Variants in REV3L observed in about 807,000 individuals in gnomAD.
The protein encoded by REV3L is DNA polymerase zeta catalytic subunit.
REV3L carries 69 observed loss-of-function variants against 299.4 expected under a neutral mutation model. The ratio of observed to expected loss-of-function variants is 0.23; its 90% CI spans 0.19 to 0.28. The LOEUF (loss-of-function observed/expected upper bound fraction) is 0.28, where lower values mean the gene tolerates loss of function less well. Ranked by LOEUF, REV3L falls within the 10% of genes least tolerant of loss-of-function variation. REV3L has a pLI of 1.00. For synonymous variants in REV3L, 1,238 were observed against 1,271.4 expected (o/e 0.97, Z 0.56); for missense variants, 3,128 against 3,693.8 (o/e 0.85, Z 3.97).
At chr6:111,476,479 C>A (rs1792957496) in intron 1 of REV3L, among the ~76,000 whole-genome samples, 2 of 152,106 alleles carry the variant, frequency 1.3e-5, no homozygotes, top group African/African-American at 4.8e-5. Context: ...TTGACTGCGA[C>A]CCATCATGAG....
At chr6:111,393,203 G>A (rs903109036) in intron 4 of REV3L, among the ~76,000 whole-genome samples, 4 of 152,006 alleles carry the variant, frequency 2.6e-5, no homozygotes, top group Admixed American at 6.6e-5. Flanking sequence ...TGTATTTTTA[G>A]TAGAGACTGG....
rs144497761 is a variant in REV3L, at chr6:111,338,312, CTTTTTTTTTTTTTT to C, written c.7539-2716_7539-2703del. ...TCTTTGTTTACTCCAGTCTAAAGTC[CTTTTTTTTTTTTTT>C]TTTTTTTTTTTTTTTTTTTTTTTTT... On this transcript the variant is annotated intron_variant, in intron 21 of 31. Coordinates refer to ENST00000368802, the MANE Select transcript of REV3L (RefSeq NM_001372078.1). 9.7e-3 allele frequency among the ~76,000 whole-genome samples: 464 copies of C among 47,818 alleles called. 4 individuals are homozygous for C. The highest frequency in any genetic ancestry group is 0.049 in the East Asian group (40 of 824). 31.4% of individuals were successfully genotyped at this position (47,818 alleles called of 152,430 possible).
At chr6:111,436,073 T>C (rs1236473487) in intron 1 of REV3L, among the ~76,000 whole-genome samples, 2 of 152,084 alleles carry the variant, frequency 1.3e-5, no homozygotes, top group Non-Finnish European at 2.9e-5. Context: ...TCACTAACCA[T>C]CAGAGAAATA....
chr6:111,299,961 GT>G lies in REV3L; in HGVS notation c.*54del. On this transcript the variant is annotated 3_prime_UTR_variant, in exon 32 of 32. Transcript: ENST00000368802. ...AAGTTAAAAAGCACCATGCACAACAGTTTAGTGGTAAGCACTGAAAAAAATA... is the reference window on the plus strand; with the variant it reads ...AAGTTAAAAAGCACCATGCACAACAGTTAGTGGTAAGCACTGAAAAAAATA... 1.3e-6 allele frequency: 2 copies of G among 1,547,138 alleles called. No individual in the cohort carries two copies. Among genetic ancestry groups the G allele is most frequent in the East Asian group, 2.3e-5 (1 of 43,950 alleles).
intron 25 of REV3L, among the ~76,000 whole-genome samples, chr6:111,324,095 G>A (rs952429617): frequency 1.3e-5 from 2 of 152,168 alleles, no homozygotes; most frequent in African/African-American, 4.8e-5. Context: ...TGCCTCCTGG[G>A]TTCAAGCAAT....
intron 3 of REV3L, among the ~76,000 whole-genome samples, chr6:111,406,162 G>T (rs1783600353): frequency 6.6e-6 from 1 of 152,130 alleles, no homozygotes; most frequent in Non-Finnish European, 1.5e-5. Flanking sequence ...TACAGAGGTG[G>T]TTTCTGCAAA....
chr6:111,443,874 T>C (rs1788550527), intron 1 of REV3L, among the ~76,000 whole-genome samples: 1 of 152,246 alleles, frequency 6.6e-6, no homozygotes, highest in Non-Finnish European at 1.5e-5. Flanking sequence ...TTTAGTCTGA[T>C]ACATGACTTT....
chr6:111,386,428 T>TA (rs1781353486), intron 9 of REV3L, among the ~76,000 whole-genome samples: 1 of 152,176 alleles, frequency 6.6e-6, no homozygotes, highest in East Asian at 1.9e-4. Flanking sequence ...ATGGCTACAT[T>TA]AAAAAAAGAC....
chr6:111,376,449 G>A lies in REV3L; in HGVS notation c.1906C>T (p.His636Tyr). 1 of 1,613,672 alleles carries A rather than the reference G, an allele frequency of 6.2e-7. No homozygotes were observed. Among genetic ancestry groups the A allele is most frequent in the Non-Finnish European group, 8.5e-7 (1 of 1,179,820 alleles). ...TTCTCTTTATGAGAATTTTCTGAAT[G>A]AACAGTACTGCTTAAAGATCCAGGG... is the stretch of plus-strand genomic sequence containing the variant. Reference protein sequence around the residue: ...KYPGSLSSTVHSENSHKENSK... With the variant: ...KYPGSLSSTVYSENSHKENSK... Residue 636 changes from histidine to tyrosine, a missense_variant, in exon 13 of 32, where the codon CAT becomes TAT. His to Tyr is a moderately conservative substitution (Grantham distance 83). Coordinates refer to ENST00000368802, the MANE Select transcript of REV3L (RefSeq NM_001372078.1).
intron 31 of REV3L, among the ~76,000 whole-genome samples, chr6:111,304,894 C>G (rs1195402850): frequency 3.3e-5 from 5 of 151,566 alleles, no homozygotes; most frequent in African/African-American, 1.2e-4. Context: ...GGATAATAGC[C>G]CCAGCTGCAT....
At position 111,372,874 on chromosome 6, in the gene REV3L, A is replaced by C. The variant is rs1397345606; in HGVS notation, c.5481T>G (p.Gly1827=). ...SFTAILSSPD[G]ELVDVACEDL... is the part of the protein sequence containing the mutation. ...CTTCACAGGCCACGTCTACAAGTTC[A>C]CCATCAGGGGAGGAGAGTATTGCAG... Residue 1827 remains glycine (G), a synonymous_variant, in exon 13 of 32, where the codon GGT becomes GGG. Transcript: ENST00000368802. 1.2e-6 allele frequency: 2 copies of C among 1,614,124 alleles called. No individual in the cohort carries two copies. Among genetic ancestry groups the C allele is most frequent in the South Asian group, 1.1e-5 (1 of 91,086 alleles).
At chr6:111,440,699 G>A (rs1333477678) in intron 1 of REV3L, among the ~76,000 whole-genome samples, 1 of 152,092 alleles carries the variant, frequency 6.6e-6, no homozygotes, top group African/African-American at 2.4e-5. Context: ...CTTTCTTTAT[G>A]TAGATCCAAG....
intron 26 of REV3L, among the ~76,000 whole-genome samples, chr6:111,319,721 A>C (rs902147299): frequency 2.6e-4 from 39 of 152,272 alleles, no homozygotes; most frequent in African/African-American, 9.4e-4. Context: ...TTTGATGATG[A>C]GGCAACTAAG....
intron 1 of REV3L, among the ~76,000 whole-genome samples, chr6:111,453,774 A>G (rs1789834674): frequency 6.6e-6 from 1 of 152,100 alleles, no homozygotes; most frequent in Admixed American, 6.6e-5. Context: ...ACTTGAGGTC[A>G]GGAGTTCGAG....
intron 26 of REV3L, among the ~76,000 whole-genome samples, chr6:111,319,696 T>C (rs972390404): frequency 6.6e-6 from 1 of 152,176 alleles, no homozygotes; most frequent in Non-Finnish European, 1.5e-5. Context: ...CCTTCGTCTA[T>C]CAGATTTCCT....
intron 27 of REV3L, 110 bp from the exon 28 acceptor site, chr6:111,313,599 T>G: frequency 8.9e-7 from 1 of 1,128,120 alleles, no homozygotes; most frequent in Non-Finnish European, 1.2e-6. Flanking sequence ...ATTTAAAAAA[T>G]TCTATATATG....
intron 1 of REV3L, among the ~76,000 whole-genome samples, chr6:111,425,869 T>C (rs565968981): frequency 1.3e-5 from 2 of 152,122 alleles, no homozygotes; most frequent in East Asian, 3.9e-4. Flanking sequence ...AAGAACCAAA[T>C]AGAAATTCCA....
chr6:111,319,798 T>G (rs1173840657), intron 26 of REV3L, among the ~76,000 whole-genome samples: 1 of 151,740 alleles, frequency 6.6e-6, no homozygotes, highest in Non-Finnish European at 1.5e-5. Context: ...AGAAAGAGAA[T>G]CCAGGTCTCC....
intron 1 of REV3L, among the ~76,000 whole-genome samples, chr6:111,455,846 G>A (rs1386464073): frequency 1.3e-5 from 2 of 152,142 alleles, no homozygotes; most frequent in Non-Finnish European, 2.9e-5. Flanking sequence ...GTATGTGTAG[G>A]TGTGTGGAAT....
Sources: allele counts gnomAD v4.1 joint callset (sites outside exome capture counted in the v4.1 genomes callset), GRCh38; gene constraint gnomAD v4.1.1; transcripts MANE v1.5; gene names NCBI Gene and HGNC (gene_info 2026-07-23, HGNC 2026-07-21).